The following MYH9 variants were observed in gnomAD, a reference collection of about 807,000 sequenced individuals.
The protein encoded by MYH9 is myosin heavy chain 9.
MYH9 carries 29 observed loss-of-function variants against 241.9 expected under a neutral mutation model. That is an observed-to-expected ratio of 0.12 (90% CI 0.09 to 0.16). The LOEUF (loss-of-function observed/expected upper bound fraction) is 0.16, where lower values mean the gene tolerates loss of function less well. MYH9 is among the 10% of genes least tolerant of loss of function. MYH9 has a pLI of 1.00. For missense variants in MYH9, 1,803 were observed against 2,595.5 expected (o/e 0.69, Z 6.63); for synonymous variants, 1,047 against 1,062.6 (o/e 0.99, Z 0.29).
rs953077858 is a variant in MYH9, at chr22:36,330,824, G to A, written c.491-3336C>T. On this transcript the variant is annotated intron_variant, in intron 3 of 40. Coordinates refer to ENST00000216181, the MANE Select transcript of MYH9 (RefSeq NM_002473.6). The surrounding 1 kb of genome is among the most constrained non-coding windows in gnomAD (Gnocchi z 4.5). ...TCCTTCCTCTAAACGGGAGGAGGCCGCCAGGGACAAGCCTCTTCTGGGACA... is the reference window on the plus strand; with the variant it reads ...TCCTTCCTCTAAACGGGAGGAGGCCACCAGGGACAAGCCTCTTCTGGGACA... Among the ~76,000 whole-genome samples, 1 of 152,028 alleles carries A rather than the reference G, an allele frequency of 6.6e-6. No individual in the cohort carries two copies. The highest frequency in any genetic ancestry group is 1.5e-5 in the Non-Finnish European group (1 of 67,992).
Position 36,293,197 on chromosome 22 carries a change from C to T in MYH9, c.4095+132G>A, listed in dbSNP as rs1035418429. 10 of 1,139,868 alleles carry T rather than the reference C, an allele frequency of 8.8e-6. No homozygotes were observed. The highest frequency in any genetic ancestry group is 1.4e-5 in the South Asian group (1 of 73,016). The allele number at this position is 1,139,868 out of a possible 1,614,324, so 70.6% of individuals were successfully genotyped here. On this transcript the variant is annotated intron_variant, in intron 30 of 40. Transcript: ENST00000216181. The surrounding 1 kb of genome is among the most constrained non-coding windows in gnomAD (Gnocchi z 5.1). ...TTGAGAGCACTGATGTGGGAGAGCA[C>T]GGTTGGCTTCCCAGGGGGAGAGCAG...
At chr22:36,303,799 A>G (rs1262496018) in intron 19 of MYH9, among the ~76,000 whole-genome samples, 196 bp downstream of exon 19, 6 of 151,736 alleles carry the variant, frequency 4.0e-5, no homozygotes, top group East Asian at 1.9e-4. Context: ...AAAAAAAAAA[A>G]AAAAGAAAAA....
intron 3 of MYH9, among the ~76,000 whole-genome samples, chr22:36,332,040 C>T (rs2017428610): frequency 6.6e-6 from 1 of 152,156 alleles, no homozygotes; most frequent in Non-Finnish European, 1.5e-5. Flanking sequence ...CCCTGCGTTG[C>T]CAGGATGGCT....
At chr22:36,290,066 C>T (rs182945762) in intron 31 of MYH9, among the ~76,000 whole-genome samples, 276 of 151,584 alleles carry the variant, frequency 1.8e-3, no homozygotes, top group African/African-American at 6.0e-3. Flanking sequence ...GAGTCCACAT[C>T]CCCCTCAGCT....
chr22:36,340,996 T>G (rs921325017), intron 3 of MYH9, among the ~76,000 whole-genome samples: 8 of 151,814 alleles, frequency 5.3e-5, no homozygotes, highest in African/African-American at 1.9e-4. Flanking sequence ...CGAACGTGTT[T>G]CTAGACTGTG....
rs1351349035 is a variant in MYH9 at position 36,288,703 on chromosome 22, G to A, written c.4770+24C>T. The A allele has an allele frequency of 1.2e-6, 2 of 1,600,044 alleles. No individual in the cohort carries two copies. Among genetic ancestry groups the A allele is most frequent in the South Asian group, 1.1e-5 (1 of 91,058 alleles). ...AGCCAAGGCAGCCTTGGGCACCCAT[G>A]GGGTAGCAGGAGGCCATGCACACCT... On this transcript the variant is annotated intron_variant, in intron 33 of 40. Coordinates refer to ENST00000216181, the MANE Select transcript of MYH9 (RefSeq NM_002473.6). This position sits in a 1 kb window ranked among gnomAD's most constrained non-coding sequence, Gnocchi z 4.8.
chr22:36,343,984 C>G (rs901720451), intron 2 of MYH9, among the ~76,000 whole-genome samples: 1 of 152,222 alleles, frequency 6.6e-6, no homozygotes, highest in East Asian at 1.9e-4. Context: ...TGTTTGGAAA[C>G]AGCTGGTGCT....
intron 18 of MYH9, among the ~76,000 whole-genome samples, 196 bp from the exon 19 acceptor site, chr22:36,304,351 A>G (rs1219458828): frequency 1.3e-5 from 2 of 152,212 alleles, no homozygotes; most frequent in Admixed American, 6.5e-5. Flanking sequence ...CAGGCTGTGC[A>G]CACAGTAGGT....
intron 2 of MYH9, among the ~76,000 whole-genome samples, chr22:36,343,447 C>G (rs2017620990): frequency 6.6e-6 from 1 of 151,334 alleles, no homozygotes; most frequent in African/African-American, 2.4e-5. Flanking sequence ...ACTCAAGAGA[C>G]TGAGATAGGA....
chr22:36,364,515 C>A (rs891201115), intron 1 of MYH9, among the ~76,000 whole-genome samples: 2 of 152,152 alleles, frequency 1.3e-5, no homozygotes, highest in African/African-American at 4.8e-5. Flanking sequence ...CTCATGTCTC[C>A]CCTTAGCAGG....
At chr22:36,362,944 C>A (rs915719501) in intron 1 of MYH9, among the ~76,000 whole-genome samples, 16 of 152,136 alleles carry the variant, frequency 1.1e-4, no homozygotes, top group African/African-American at 3.9e-4. Context: ...TCCACCAGTG[C>A]CTCTCAACCA....
chr22:36,325,167 GGAGA>G (rs140194654), intron 5 of MYH9: 18 of 736,520 alleles, frequency 2.4e-5, no homozygotes, highest in East Asian at 2.3e-4. Flanking sequence ...AGAGAGGGAT[GGAGA>G]GAGAGAGAGA....
chr22:36,376,978 G>A (rs1000273830), intron 1 of MYH9, among the ~76,000 whole-genome samples: 4 of 151,934 alleles, frequency 2.6e-5, no homozygotes, highest in East Asian at 1.9e-4. Context: ...CAGGTGAATC[G>A]CTTGAACCCG....
In MYH9 at chr22:36,288,642, A is replaced by T. The variant is rs895407220; in HGVS notation, c.4770+85T>A. 5.5e-5 allele frequency: 84 copies of T among 1,530,158 alleles called. No individual in the cohort carries two copies. Among genetic ancestry groups the T allele is most frequent in the Non-Finnish European group, 7.5e-5 (84 of 1,118,256 alleles). 94.8% of individuals were successfully genotyped at this position (1,530,158 alleles called of 1,614,324 possible). A position where few individuals can be genotyped will look rare whatever the true frequency, so the allele number is the denominator to read the frequency against. On this transcript the variant is annotated intron_variant, in intron 33 of 40. Transcript: ENST00000216181. The surrounding 1 kb of genome is among the most constrained non-coding windows in gnomAD (Gnocchi z 4.8). ...AGGCGTGGTCAAGGGGCCCTAACACAATCCAGGTGGAAGGAGAGAACAGAA... is the reference window on the plus strand; with the variant it reads ...AGGCGTGGTCAAGGGGCCCTAACACTATCCAGGTGGAAGGAGAGAACAGAA...
At position 36,300,286 on chromosome 22, in the gene MYH9, G is replaced by C; in HGVS notation, c.2839-22C>G. The stretch of plus-strand genomic sequence containing the variant: ...GCTCCTGCCGGGGGCCAGAGACACG[G>C]TAAGGACAGCAGGCCCAGAGGCATG... On this transcript the variant is annotated intron_variant, in intron 22 of 40. Coordinates refer to ENST00000216181, the MANE Select transcript of MYH9 (RefSeq NM_002473.6). This position sits in a 1 kb window ranked among gnomAD's most constrained non-coding sequence, Gnocchi z 5.0. 1 of 1,611,412 alleles carries C rather than the reference G, an allele frequency of 6.2e-7. No individual in the cohort carries two copies. Among genetic ancestry groups the C allele is most frequent in the Non-Finnish European group, 8.5e-7 (1 of 1,180,024 alleles).
At chr22:36,333,998 C>A (rs1258367170) in intron 3 of MYH9, among the ~76,000 whole-genome samples, 4 of 152,024 alleles carry the variant, frequency 2.6e-5, no homozygotes, top group Admixed American at 2.0e-4. Flanking sequence ...ACACCCCCAC[C>A]CAAAATTTCA....
At chr22:36,374,128 A>C (rs933542803) in intron 1 of MYH9, among the ~76,000 whole-genome samples, 1 of 151,976 alleles carries the variant, frequency 6.6e-6, no homozygotes, top group Non-Finnish European at 1.5e-5. Context: ...CACACCTGTA[A>C]TTCTAGCACT....
chr22:36,288,466 G>A lies in MYH9; in HGVS notation c.4771-53C>T. The A allele has an allele frequency of 1.3e-6, 2 of 1,599,586 alleles. No individual in the cohort carries two copies. The highest frequency in any genetic ancestry group is 1.7e-6 in the Non-Finnish European group (2 of 1,178,062). On this transcript the variant is annotated intron_variant, in intron 33 of 40. Transcript: ENST00000216181. The surrounding 1 kb of genome is among the most constrained non-coding windows in gnomAD (Gnocchi z 4.8). ...GAAGCTGGACCCACTGGGAGACCCT[G>A]CCCTAGCTCTGAACTCAGGAGCCTC...
At position 36,306,400 on chromosome 22, in the gene MYH9, C is replaced by G. The variant is rs727504713; in HGVS notation, c.2037+14G>C. The G allele has an allele frequency of 6.2e-7, 1 of 1,614,010 alleles. No individual in the cohort carries two copies. Among genetic ancestry groups the G allele is most frequent in the Non-Finnish European group, 8.5e-7 (1 of 1,180,018 alleles). ...ACAGTGCCCTGCCCGGGCCACCCCA[C>G]CAGGCAGCCGCACCTTCTTCTCGTG... On this transcript the variant is annotated intron_variant, in intron 16 of 40. Coordinates refer to ENST00000216181, the MANE Select transcript of MYH9 (RefSeq NM_002473.6). This position sits in a 1 kb window ranked among gnomAD's most constrained non-coding sequence, Gnocchi z 4.1.
Sources: allele counts gnomAD v4.1 joint callset (sites outside exome capture counted in the v4.1 genomes callset), GRCh38; gene constraint gnomAD v4.1.1; non-coding constraint Gnocchi (gnomAD v3.1); transcripts MANE v1.5; gene names NCBI Gene and HGNC (gene_info 2026-07-23, HGNC 2026-07-21).